NRXN3: variants seen among roughly 807,000 people sequenced by gnomAD.
The protein encoded by NRXN3 is neurexin III.
Under a neutral mutation model 137.6 loss-of-function variants are expected in NRXN3, and 32 were observed. That is an observed-to-expected ratio of 0.23 (90% CI 0.18 to 0.31). NRXN3 has a LOEUF of 0.31. Ranked by LOEUF, NRXN3 falls within the 10% of genes least tolerant of loss-of-function variation. The pLI is 1.00. For missense variants in NRXN3, 1,574 were observed against 2,062.5 expected (o/e 0.76, Z 4.59); for synonymous variants, 798 against 784.5 (o/e 1.02, Z -0.29).
chr14:79,650,233 T>C (rs1242878163), intron 16 of NRXN3, among the ~76,000 whole-genome samples: 1 of 152,140 alleles, frequency 6.6e-6, no homozygotes, highest in Non-Finnish European at 1.5e-5. Flanking sequence ...TTTCCTATCC[T>C]GAAGGCCAGG....
At chr14:79,049,694 T>G (rs1014004422) in intron 15 of NRXN3, among the ~76,000 whole-genome samples, 4 of 152,186 alleles carry the variant, frequency 2.6e-5, no homozygotes, top group Non-Finnish European at 4.4e-5. Flanking sequence ...AATGTATTTC[T>G]TCAATAAGAC....
chr14:78,510,494 T>C (rs1020276265), intron 4 of NRXN3, among the ~76,000 whole-genome samples: 2 of 152,194 alleles, frequency 1.3e-5, no homozygotes, highest in African/African-American at 4.8e-5. Context: ...AAAGGAGTGC[T>C]ATTGATTTGA....
chr14:79,043,697 T>C (rs1036129319), intron 15 of NRXN3, among the ~76,000 whole-genome samples: 3 of 152,128 alleles, frequency 2.0e-5, no homozygotes, highest in African/African-American at 4.8e-5. Flanking sequence ...GTGTGGCTTG[T>C]GGTTCTTTTT....
chr14:78,335,977 C>T (rs2081416657), intron 4 of NRXN3, among the ~76,000 whole-genome samples: 1 of 152,128 alleles, frequency 6.6e-6, no homozygotes, highest in South Asian at 2.1e-4. Context: ...AAAGGAACTC[C>T]ACAAAGTAGA....
chr14:79,333,524 T>G (rs985112616), intron 15 of NRXN3, among the ~76,000 whole-genome samples: 1 of 152,304 alleles, frequency 6.6e-6, no homozygotes, highest in South Asian at 2.1e-4. Context: ...GGTGGAGTTC[T>G]TCTTCCCACC....
At chr14:78,530,795 C>G (rs2096451116) in intron 4 of NRXN3, among the ~76,000 whole-genome samples, 1 of 152,164 alleles carries the variant, frequency 6.6e-6, no homozygotes, top group African/African-American at 2.4e-5. Context: ...CTGTATTTGG[C>G]TGTAAAATTC....
intron 8 of NRXN3, among the ~76,000 whole-genome samples, chr14:78,733,457 T>C (rs1441853110): frequency 6.6e-6 from 1 of 152,188 alleles, no homozygotes. Context: ...GATAATTTTC[T>C]AAGGAAGAAA....
intron 4 of NRXN3, among the ~76,000 whole-genome samples, chr14:78,494,889 T>A (rs941680478): frequency 7.7e-5 from 5 of 64,798 alleles, no homozygotes; most frequent in African/African-American, 2.0e-4. Context: ...GTGAGGTGTG[T>A]TTTTACCAAT....
chr14:78,174,120 A>G (rs1039812749), intron 1 of NRXN3, among the ~76,000 whole-genome samples: 2 of 152,098 alleles, frequency 1.3e-5, no homozygotes, highest in Non-Finnish European at 2.9e-5. Flanking sequence ...ATGGGGGTAG[A>G]TAACATTAAT....
intron 19 of NRXN3, among the ~76,000 whole-genome samples, chr14:79,795,050 A>C (rs931820000): frequency 5.3e-5 from 8 of 152,208 alleles, no homozygotes; most frequent in Non-Finnish European, 1.2e-4. Flanking sequence ...GGATGACCTC[A>C]TGGATCTCAT....
At chr14:78,353,814 G>A (rs1010832221) in intron 4 of NRXN3, among the ~76,000 whole-genome samples, 2 of 152,016 alleles carry the variant, frequency 1.3e-5, no homozygotes, top group Non-Finnish European at 2.9e-5. Context: ...AATTCGTAAG[G>A]GGATAAAATA....
At chr14:79,734,716 A>G (rs2098936076) in intron 19 of NRXN3, among the ~76,000 whole-genome samples, 1 of 152,206 alleles carries the variant, frequency 6.6e-6, no homozygotes, top group Non-Finnish European at 1.5e-5. Context: ...TTAAAAAAAG[A>G]AAGCCTGAGG....
At chr14:78,485,188 C>A (rs1300337932) in intron 4 of NRXN3, among the ~76,000 whole-genome samples, 1 of 152,174 alleles carries the variant, frequency 6.6e-6, no homozygotes, top group Non-Finnish European at 1.5e-5. Flanking sequence ...AGAATAACTT[C>A]ACATCTATTT....
chr14:79,360,775 G>T (rs1173090774), intron 15 of NRXN3, among the ~76,000 whole-genome samples: 2 of 152,126 alleles, frequency 1.3e-5, no homozygotes, highest in African/African-American at 4.8e-5. Flanking sequence ...CATTAATTAG[G>T]CTATGCTCTT....
chr14:79,137,372 T>G (rs2058348541), intron 15 of NRXN3, among the ~76,000 whole-genome samples: 1 of 152,152 alleles, frequency 6.6e-6, no homozygotes, highest in Non-Finnish European at 1.5e-5. Flanking sequence ...AAAGCTAGCA[T>G]TTTGGTGTGA....
At chr14:79,191,542 C>T (rs2064313763) in intron 15 of NRXN3, among the ~76,000 whole-genome samples, 1 of 152,186 alleles carries the variant, frequency 6.6e-6, no homozygotes, top group Non-Finnish European at 1.5e-5. Context: ...AATTTGTCTC[C>T]TGACAAAGAG....
chr14:79,798,398 T>C (rs1433964037), intron 19 of NRXN3, among the ~76,000 whole-genome samples: 1 of 152,156 alleles, frequency 6.6e-6, no homozygotes, highest in Non-Finnish European at 1.5e-5. Flanking sequence ...AATGAAGGTA[T>C]AGAGGGGAAA....
At chr14:78,511,246 G>A (rs975089024) in intron 4 of NRXN3, among the ~76,000 whole-genome samples, 5 of 152,184 alleles carry the variant, frequency 3.3e-5, no homozygotes, top group Admixed American at 6.5e-5. Flanking sequence ...GACATTGGGC[G>A]TGTTTTAAGC....
chr14:79,175,604 A>C (rs1489805107), intron 15 of NRXN3, among the ~76,000 whole-genome samples: 1 of 152,236 alleles, frequency 6.6e-6, no homozygotes, highest in Non-Finnish European at 1.5e-5. Flanking sequence ...AATTATGTCC[A>C]CAAGCTGAAT....
Sources: gnomAD v4.1 joint callset for allele counts (sites outside exome capture counted in the v4.1 genomes callset) on GRCh38, gnomAD v4.1.1 for gene constraint, MANE v1.5 for transcripts, NCBI Gene and HGNC (gene_info 2026-07-23, HGNC 2026-07-21) for gene names.